The following DSCAM variants were observed in gnomAD, a reference collection of about 807,000 sequenced individuals.
The protein encoded by DSCAM is cell adhesion molecule DSCAM.
Under a neutral mutation model 217.7 loss-of-function variants are expected in DSCAM, and 47 were observed. The observed-to-expected ratio is 0.22, with a 90% CI of 0.17 to 0.28. The LOEUF is 0.28. Among genes scored for constraint, DSCAM ranks in the 10% least tolerant of loss-of-function variants. DSCAM has a pLI of 1.00. For missense variants in DSCAM, 2,080 were observed against 2,618.3 expected, an observed-to-expected ratio of 0.79 and a Z score of 4.49; for synonymous variants, 1,056 against 1,015.3, an observed-to-expected ratio of 1.04 and a Z score of -0.76.
At chr21:40,275,623 T>C (rs2073676539) in intron 11 of DSCAM, among the ~76,000 whole-genome samples, 1 of 152,208 alleles carries the variant, frequency 6.6e-6, no homozygotes, top group Non-Finnish European at 1.5e-5. Flanking sequence ...AGTTGTTCGC[T>C]AGTCACTTGA....
intron 3 of DSCAM, among the ~76,000 whole-genome samples, chr21:40,579,870 C>A (rs531571302): frequency 6.6e-6 from 1 of 151,974 alleles, no homozygotes; most frequent in Non-Finnish European, 1.5e-5. Flanking sequence ...AAGAGGGTGT[C>A]ACACTCACAT....
In DSCAM at chr21:40,016,377, C is replaced by T. The variant is rs1347280783; in HGVS notation, c.5687-2991G>A. On this transcript the variant is annotated intron_variant, in intron 32 of 32. Coordinates refer to ENST00000400454, the MANE Select transcript of DSCAM (RefSeq NM_001389.5). The surrounding 1 kb of genome is among the most constrained non-coding windows in gnomAD (Gnocchi z 4.3). ...GTGAAAGGGTGTATAGGGGAAAGAT[C>T]GTACTTTGATGACAAAAGATGAAGG... Among the ~76,000 whole-genome samples the T allele has an allele frequency of 5.3e-5, 8 of 152,000 alleles. No homozygotes were observed. The highest frequency in any genetic ancestry group is 1.0e-4 in the Non-Finnish European group (7 of 68,002).
At chr21:40,531,205 G>C (rs1216613802) in intron 3 of DSCAM, among the ~76,000 whole-genome samples, 2 of 152,050 alleles carry the variant, frequency 1.3e-5, no homozygotes, top group East Asian at 1.9e-4. Context: ...GTTCCTGCTG[G>C]CACCTGCAGC....
chr21:40,804,597 G>A (rs2091769796), intron 1 of DSCAM, among the ~76,000 whole-genome samples: 1 of 151,902 alleles, frequency 6.6e-6, no homozygotes, highest in African/African-American at 2.4e-5. Flanking sequence ...CAGCCACTTT[G>A]CAACTCACCC....
chr21:40,096,404 A>G (rs1047950584), intron 20 of DSCAM, among the ~76,000 whole-genome samples: 3 of 152,232 alleles, frequency 2.0e-5, no homozygotes, highest in African/African-American at 7.2e-5. Flanking sequence ...ATGGGCACGC[A>G]TCCTCACTTT....
intron 3 of DSCAM, among the ~76,000 whole-genome samples, chr21:40,596,503 T>C (rs1337269579): frequency 6.6e-6 from 1 of 152,198 alleles, no homozygotes; most frequent in Non-Finnish European, 1.5e-5. Context: ...TCTTATCTAC[T>C]CAGAGTTCCA....
intron 15 of DSCAM, among the ~76,000 whole-genome samples, chr21:40,170,776 A>C (rs2090648321): frequency 6.6e-6 from 1 of 152,192 alleles, no homozygotes; most frequent in Non-Finnish European, 1.5e-5. Context: ...GGGTTACTTT[A>C]ATTTAGTTAC....
intron 30 of DSCAM, among the ~76,000 whole-genome samples, chr21:40,047,945 A>C (rs1055529910): frequency 3.9e-5 from 6 of 152,168 alleles, no homozygotes; most frequent in African/African-American, 1.4e-4. Flanking sequence ...ATGTGCGTAC[A>C]TGTGAAGTCT....
At chr21:40,040,834 T>C (rs1601258672) in intron 32 of DSCAM, among the ~76,000 whole-genome samples, 1 of 152,104 alleles carries the variant, frequency 6.6e-6, no homozygotes, top group Admixed American at 6.6e-5. Flanking sequence ...TTCTCTCCAG[T>C]CCTCCTCACC....
chr21:40,307,475 A>C (rs2074091581), intron 9 of DSCAM, among the ~76,000 whole-genome samples: 1 of 152,174 alleles, frequency 6.6e-6, no homozygotes, highest in South Asian at 2.1e-4. Flanking sequence ...ACACTTTTAC[A>C]CTGTTGGTGG....
intron 3 of DSCAM, among the ~76,000 whole-genome samples, chr21:40,573,316 C>G (rs377738501): frequency 4.6e-5 from 7 of 151,680 alleles, no homozygotes; most frequent in African/African-American, 1.7e-4. Flanking sequence ...CCAGCCTGGG[C>G]GACAGAGCAA....
At chr21:40,337,421 G>A (rs1051913084) in intron 8 of DSCAM, among the ~76,000 whole-genome samples, 4 of 152,172 alleles carry the variant, frequency 2.6e-5, no homozygotes, top group African/African-American at 9.7e-5. Context: ...TTGTAGAATA[G>A]AAGAAATGAG....
At chr21:40,805,350 G>A (rs2091776373) in intron 1 of DSCAM, among the ~76,000 whole-genome samples, 1 of 152,108 alleles carries the variant, frequency 6.6e-6, no homozygotes, top group Non-Finnish European at 1.5e-5. Flanking sequence ...CCTGCCTTCT[G>A]GCTCATGAGG....
chr21:40,759,986 T>TA (rs1000089499), intron 1 of DSCAM, among the ~76,000 whole-genome samples: 3 of 149,494 alleles, frequency 2.0e-5, no homozygotes, highest in East Asian at 3.9e-4. Flanking sequence ...TTTATTTATT[T>TA]ATTTATTTAT....
chr21:40,125,659 A>T (rs1385276453), intron 19 of DSCAM, among the ~76,000 whole-genome samples: 1 of 152,234 alleles, frequency 6.6e-6, no homozygotes, highest in Non-Finnish European at 1.5e-5. Context: ...AAATCTTGGT[A>T]ATCCATTTTT....
chr21:40,385,342 T>G (rs1260692745), intron 3 of DSCAM: 1 of 152,228 alleles, frequency 6.6e-6, no homozygotes, highest in Non-Finnish European at 1.5e-5. Context: ...AAAAGCTCCA[T>G]CAAGCATGCA....
intron 1 of DSCAM, among the ~76,000 whole-genome samples, chr21:40,728,646 C>G (rs555391082): frequency 6.6e-6 from 1 of 152,260 alleles, no homozygotes; most frequent in South Asian, 2.1e-4. Flanking sequence ...TCTCGAACTC[C>G]TGACCTCAGG....
chr21:40,770,846 C>T (rs937614661), intron 1 of DSCAM, among the ~76,000 whole-genome samples: 8 of 152,200 alleles, frequency 5.3e-5, no homozygotes, highest in African/African-American at 1.9e-4. Context: ...GCTAGGAAAA[C>T]TTTTTAGTTG....
intron 8 of DSCAM, among the ~76,000 whole-genome samples, chr21:40,314,313 A>G (rs957210330): frequency 2.6e-5 from 4 of 152,182 alleles, no homozygotes; most frequent in Non-Finnish European, 5.9e-5. Flanking sequence ...TACCAGGGAA[A>G]TTAATTTTTT....
Sources: gnomAD v4.1 joint callset for allele counts (sites outside exome capture counted in the v4.1 genomes callset) on GRCh38, gnomAD v4.1.1 for gene constraint, Gnocchi (gnomAD v3.1) non-coding constraint, MANE v1.5 for transcripts, NCBI Gene and HGNC (gene_info 2026-07-23, HGNC 2026-07-21) for gene names.